Variants in OSBPL10 observed in about 807,000 individuals in gnomAD.
The protein encoded by OSBPL10 is oxysterol-binding protein-related protein 10.
OSBPL10 carries 49 observed loss-of-function variants against 81.7 expected under a neutral mutation model. The ratio of observed to expected loss-of-function variants is 0.60; its 90% CI spans 0.48 to 0.76. OSBPL10 has a LOEUF of 0.76. Ranked by LOEUF, OSBPL10 falls within the 30% of genes least tolerant of loss-of-function variation. The pLI is 0.00. For missense variants in OSBPL10, 923 were observed against 987.8 expected (o/e 0.93, Z 0.88); for synonymous variants, 419 against 383.6 (o/e 1.09, Z -1.08).
At chr3:31,687,042 T>C (rs1448145143) in intron 7 of OSBPL10, among the ~76,000 whole-genome samples, 3 of 152,210 alleles carry the variant, frequency 2.0e-5, no homozygotes, top group Admixed American at 6.5e-5. Context: ...AATCCCTTAA[T>C]GAAGCCAAAT....
At chr3:31,792,316 TG>T (rs1257617949) in intron 4 of OSBPL10, among the ~76,000 whole-genome samples, 1 of 152,042 alleles carries the variant, frequency 6.6e-6, no homozygotes, top group African/African-American at 2.4e-5. Context: ...AGACATTACG[TG>T]TAACTTTCAA....
chr3:31,889,297 G>A (rs1425737122), intron 1 of OSBPL10, among the ~76,000 whole-genome samples: 1 of 152,130 alleles, frequency 6.6e-6, no homozygotes, highest in Non-Finnish European at 1.5e-5. Context: ...ATCCACTACT[G>A]GGATTTATGC....
intron 5 of OSBPL10, among the ~76,000 whole-genome samples, chr3:31,733,640 A>G (rs969014907): frequency 1.3e-5 from 2 of 150,574 alleles, no homozygotes; most frequent in East Asian, 2.0e-4. Context: ...TCACTCCCCA[A>G]CAGTGGACAA....
chr3:31,851,957 GCCCTT>G (rs1429122171), intron 3 of OSBPL10, among the ~76,000 whole-genome samples: 4 of 152,130 alleles, frequency 2.6e-5, no homozygotes, highest in Non-Finnish European at 4.4e-5. Context: ...AGAGAACAAG[GCCCTT>G]CCCAAGAGTA....
chr3:31,780,222 G>A (rs759132439), intron 4 of OSBPL10, among the ~76,000 whole-genome samples: 4 of 152,150 alleles, frequency 2.6e-5, no homozygotes, highest in African/African-American at 4.8e-5. Flanking sequence ...GAACCCGGGA[G>A]GCAGAGCTTG....
intron 3 of OSBPL10, among the ~76,000 whole-genome samples, chr3:31,841,515 C>G (rs1007152927): frequency 6.6e-6 from 1 of 152,164 alleles, no homozygotes; most frequent in Non-Finnish European, 1.5e-5. Flanking sequence ...AGAAACAACC[C>G]AGGCGAGGCT....
At chr3:31,808,398 TG>T (rs1454211906) in intron 4 of OSBPL10, among the ~76,000 whole-genome samples, 1 of 152,224 alleles carries the variant, frequency 6.6e-6, no homozygotes, top group Non-Finnish European at 1.5e-5. Context: ...CCAGTTGCCT[TG>T]GCAACAGTAT....
intron 2 of OSBPL10, among the ~76,000 whole-genome samples, chr3:32,019,559 C>T (rs778241757): frequency 6.6e-6 from 1 of 152,124 alleles, no homozygotes; most frequent in African/African-American, 2.4e-5. Context: ...TTTAAGTAAA[C>T]TTGTATTACA....
intron 6 of OSBPL10, 38 bp downstream of exon 6, chr3:31,733,219 C>T (rs774742849): frequency 1.9e-6 from 3 of 1,601,242 alleles, no homozygotes; most frequent in Middle Eastern, 1.7e-4. Context: ...CAAGCGATAA[C>T]ACAAGCCATG....
intron 4 of OSBPL10, among the ~76,000 whole-genome samples, chr3:31,752,526 C>T (rs1697752458): frequency 6.6e-6 from 1 of 152,092 alleles, no homozygotes; most frequent in Non-Finnish European, 1.5e-5. Context: ...AATTCTATGG[C>T]CTGTTTCTTG....
At chr3:31,707,910 G>A (rs533021066) in intron 6 of OSBPL10, among the ~76,000 whole-genome samples, 3 of 152,080 alleles carry the variant, frequency 2.0e-5, no homozygotes, top group Admixed American at 1.3e-4. Context: ...AATAAAGAGT[G>A]TGGAGTTGAG....
At chr3:31,759,192 C>T (rs756027248) in intron 4 of OSBPL10, among the ~76,000 whole-genome samples, 2 of 152,184 alleles carry the variant, frequency 1.3e-5, no homozygotes, top group Non-Finnish European at 2.9e-5. Context: ...GAAAATGCCA[C>T]TGTCCAACAG....
chr3:31,812,716 A>AAG (rs1553628764), intron 4 of OSBPL10, among the ~76,000 whole-genome samples: 1 of 54,112 alleles, frequency 1.8e-5, no homozygotes, highest in African/African-American at 4.8e-5. Flanking sequence ...AGTAGGCAAA[A>AAG]AAAAAGAAAG....
intron 1 of OSBPL10, among the ~76,000 whole-genome samples, chr3:31,978,470 T>C (rs1698743613): frequency 6.6e-6 from 1 of 152,236 alleles, no homozygotes; most frequent in African/African-American, 2.4e-5. Flanking sequence ...CTCTTCTCTC[T>C]TCCTTTTCAC....
intron 1 of OSBPL10, among the ~76,000 whole-genome samples, chr3:32,058,337 T>C (rs543763044): frequency 2.5e-4 from 38 of 152,214 alleles, no homozygotes; most frequent in African/African-American, 8.9e-4. Flanking sequence ...TTCTGTTTTG[T>C]TTTGTTTTTT....
chr3:31,938,714 C>T (rs1173633029), intron 1 of OSBPL10, among the ~76,000 whole-genome samples: 3 of 151,902 alleles, frequency 2.0e-5, no homozygotes, highest in Admixed American at 6.6e-5. Context: ...AGGCTGGTCT[C>T]GAACTCCTAG....
At chr3:32,027,321 C>A (rs1456976597) in intron 2 of OSBPL10, among the ~76,000 whole-genome samples, 2 of 152,102 alleles carry the variant, frequency 1.3e-5, no homozygotes, top group Non-Finnish European at 2.9e-5. Context: ...TATATCTTGG[C>A]TATAATTATG....
chr3:31,969,964 G>A (rs1239785808), intron 1 of OSBPL10, among the ~76,000 whole-genome samples: 2 of 151,998 alleles, frequency 1.3e-5, no homozygotes, highest in Non-Finnish European at 2.9e-5. Context: ...TGATTATCTT[G>A]CAGTGGAATT....
chr3:32,048,634 GC>G (rs1287574222), intron 1 of OSBPL10, among the ~76,000 whole-genome samples: 6 of 152,236 alleles, frequency 3.9e-5, no homozygotes, highest in African/African-American at 1.2e-4. Context: ...CTATAGACTA[GC>G]TGTTTTTTTT....
Sources: gnomAD v4.1 joint callset for allele counts (sites outside exome capture counted in the v4.1 genomes callset) on GRCh38, gnomAD v4.1.1 for gene constraint, MANE v1.5 for transcripts, NCBI Gene and HGNC (gene_info 2026-07-23, HGNC 2026-07-21) for gene names.